Variants in NKAIN1 observed in about 807,000 individuals in gnomAD.
The protein encoded by NKAIN1 is sodium/potassium transporting ATPase interacting 1, also known as sodium/potassium-transporting ATPase subunit beta-1-interacting protein 1.
A neutral mutation model predicts 31.6 loss-of-function variants in NKAIN1; 13 were observed. The ratio of observed to expected loss-of-function variants is 0.41; its 90% CI spans 0.27 to 0.65. The LOEUF (loss-of-function observed/expected upper bound fraction) is 0.65. Ranked by LOEUF, NKAIN1 falls within the 30% of genes least tolerant of loss-of-function variation. The pLI is 0.30. For missense variants in NKAIN1, 193 were observed against 262.2 expected, an observed-to-expected ratio of 0.74 and a Z score of 1.82; for synonymous variants, 104 against 109.0, an observed-to-expected ratio of 0.95 and a Z score of 0.28.
At chr1:31,199,593 G>C (rs974731426) in intron 1 of NKAIN1, among the ~76,000 whole-genome samples, 2 of 152,132 alleles carry the variant, frequency 1.3e-5, no homozygotes, top group South Asian at 2.1e-4. Flanking sequence ...GACAGCAGAG[G>C]GGGCAGTGAT....
intron 4 of NKAIN1, 68 bp downstream of exon 4, chr1:31,183,749 A>G: frequency 1.3e-6 from 2 of 1,515,134 alleles, no homozygotes; most frequent in Non-Finnish European, 1.8e-6. Flanking sequence ...CGCCCAACCC[A>G]TCCCCTCAAC....
rs1645190961 is a variant in NKAIN1, at chr1:31,180,714, G to A, written c.*989C>T. The stretch of plus-strand genomic sequence containing the variant: ...GGAAGGGGGTGGAGTGACTGAGTTG[G>A]GGCCCCACTTTCCTGGAGGAGAGAG... On this transcript the variant is annotated 3_prime_UTR_variant, in exon 7 of 7. Coordinates refer to ENST00000373736, the MANE Select transcript of NKAIN1 (RefSeq NM_024522.3). The A allele has an allele frequency of 6.6e-6, 1 of 152,530 alleles. No individual in the cohort carries two copies. 9.4% of individuals were successfully genotyped at this position (152,530 alleles called of 1,614,324 possible).
At chr1:31,223,152 G>T (rs1426446650) in intron 1 of NKAIN1, among the ~76,000 whole-genome samples, 2 of 152,050 alleles carry the variant, frequency 1.3e-5, no homozygotes, top group Non-Finnish European at 2.9e-5. Context: ...TGAGGTGGGT[G>T]GATCACCCGA....
At chr1:31,187,418 A>C (rs548620702) in intron 2 of NKAIN1, among the ~76,000 whole-genome samples, 15 of 152,202 alleles carry the variant, frequency 9.9e-5, no homozygotes, top group African/African-American at 3.6e-4. Context: ...CTGGGGCTGG[A>C]GTGCAGGGAG....
chr1:31,235,423 G>A (rs1040089407), intron 1 of NKAIN1, among the ~76,000 whole-genome samples: 1 of 152,148 alleles, frequency 6.6e-6, no homozygotes, highest in African/African-American at 2.4e-5. Flanking sequence ...CAACAAAACT[G>A]CCATGCCAAA....
At chr1:31,189,036 A>C (rs552721309) in intron 1 of NKAIN1, among the ~76,000 whole-genome samples, 21 of 152,062 alleles carry the variant, frequency 1.4e-4, no homozygotes, top group African/African-American at 4.8e-4. Context: ...GAAAAAAAAA[A>C]AACGGCGTTC....
chr1:31,227,217 T>C (rs1030973524), intron 1 of NKAIN1, among the ~76,000 whole-genome samples: 3 of 152,218 alleles, frequency 2.0e-5, no homozygotes, highest in Admixed American at 1.3e-4. Context: ...GCTCTGCCGC[T>C]GCCTCGTTGC....
chr1:31,204,850 G>T (rs1160732306), intron 1 of NKAIN1, among the ~76,000 whole-genome samples: 1 of 152,064 alleles, frequency 6.6e-6, no homozygotes, highest in Non-Finnish European at 1.5e-5. Context: ...TGGGGGGAAG[G>T]CCAGAATGAA....
intron 1 of NKAIN1, among the ~76,000 whole-genome samples, chr1:31,192,032 T>C (rs903708963): frequency 1.4e-4 from 22 of 152,224 alleles, no homozygotes; most frequent in African/African-American, 4.8e-4. Context: ...TGCCTTGGCC[T>C]CCCAAAATGC....
At chr1:31,223,818 C>T (rs1162044997) in intron 1 of NKAIN1, among the ~76,000 whole-genome samples, 1 of 152,224 alleles carries the variant, frequency 6.6e-6, no homozygotes, top group Non-Finnish European at 1.5e-5. Flanking sequence ...TTGCTTCCTC[C>T]AGGTAATCTG....
intron 1 of NKAIN1, among the ~76,000 whole-genome samples, chr1:31,232,396 CATATATATATAT>C (rs371123492): frequency 0.028 from 177 of 6,404 alleles, 18 homozygotes; most frequent in African/African-American, 0.04. Context: ...TGGCCTACTT[CATATATATATAT>C]ATATATATAT....
chr1:31,233,107 C>T lies in NKAIN1; in HGVS notation c.54+6387G>A, dbSNP rs189499034. Among the ~76,000 whole-genome samples, 258 of 152,266 alleles carry T rather than the reference C, an allele frequency of 1.7e-3. No individual in the cohort carries two copies. The highest frequency in any genetic ancestry group is 2.5e-3 in the Non-Finnish European group (168 of 68,022). ...GAAATTACAGGTGCCCACCACCACG[C>T]TCGGCTAATTTTTTGTATTTTTAGT... On this transcript the variant is annotated intron_variant, in intron 1 of 6. Transcript: ENST00000373736. The surrounding 1 kb of genome is among the most constrained non-coding windows in gnomAD (Gnocchi z 4.0).
chr1:31,204,877 C>T (rs1008354361), intron 1 of NKAIN1, among the ~76,000 whole-genome samples: 6 of 152,086 alleles, frequency 3.9e-5, no homozygotes, highest in African/African-American at 1.4e-4. Flanking sequence ...CAGGAGGTAA[C>T]ATCTACCCAG....
chr1:31,239,876 C>A lies in NKAIN1; in HGVS notation c.-329G>T, dbSNP rs1289327557. Among the ~76,000 whole-genome samples, 1 of 152,068 alleles carries A rather than the reference C, an allele frequency of 6.6e-6. No individual in the cohort carries two copies. Among genetic ancestry groups the A allele is most frequent in the Non-Finnish European group, 1.5e-5 (1 of 67,976 alleles). On this transcript the variant is annotated 5_prime_UTR_variant, in exon 1 of 7. Transcript: ENST00000373736. The surrounding 1 kb of genome is among the most constrained non-coding windows in gnomAD (Gnocchi z 4.8). ...AGCGAGCCCCGAGCGCGGCGCAGCG[C>A]AGAGCAGCACTGCCCAGCTGGGGCA...
At chr1:31,226,595 G>T (rs1287594453) in intron 1 of NKAIN1, among the ~76,000 whole-genome samples, 2 of 150,904 alleles carry the variant, frequency 1.3e-5, no homozygotes, top group African/African-American at 2.5e-5. Flanking sequence ...CACAATCCCG[G>T]TTTACTGCAA....
intron 1 of NKAIN1, among the ~76,000 whole-genome samples, chr1:31,221,972 G>A (rs1405332001): frequency 2.0e-5 from 3 of 152,010 alleles, no homozygotes; most frequent in Non-Finnish European, 2.9e-5. Context: ...TCCACTTCCC[G>A]GGTTCAAGCA....
At chr1:31,220,404 T>C (rs1008612062) in intron 1 of NKAIN1, among the ~76,000 whole-genome samples, 4 of 152,012 alleles carry the variant, frequency 2.6e-5, no homozygotes, top group African/African-American at 4.8e-5. Context: ...TGAGTCCACA[T>C]GGGCAGGGAC....
chr1:31,234,808 C>G (rs555983569), intron 1 of NKAIN1, among the ~76,000 whole-genome samples: 1 of 152,112 alleles, frequency 6.6e-6, no homozygotes, highest in Non-Finnish European at 1.5e-5. Context: ...ACTGGTTAAA[C>G]GCGAGCAGTA....
At chr1:31,202,177 A>G (rs932976212) in intron 1 of NKAIN1, among the ~76,000 whole-genome samples, 26 of 152,022 alleles carry the variant, frequency 1.7e-4, no homozygotes, top group Non-Finnish European at 3.4e-4. Context: ...CATCTCAGTG[A>G]CCACTGACCC....
Sources: allele counts gnomAD v4.1 joint callset (sites outside exome capture counted in the v4.1 genomes callset), GRCh38; gene constraint gnomAD v4.1.1; non-coding constraint Gnocchi (gnomAD v3.1); transcripts MANE v1.5; gene names NCBI Gene and HGNC (gene_info 2026-07-23, HGNC 2026-07-21).